PTPRQ: variants seen among roughly 807,000 people sequenced by gnomAD.
The protein encoded by PTPRQ is protein tyrosine phosphatase receptor type Q, also known as phosphatidylinositol phosphatase PTPRQ.
PTPRQ carries 199 observed loss-of-function variants against 246.0 expected under a neutral mutation model. That is an observed-to-expected ratio of 0.81 (90% confidence interval 0.72 to 0.91). The LOEUF is 0.91. PTPRQ is among the 40% of genes least tolerant of loss of function. PTPRQ has a pLI of 0.00. For missense variants in PTPRQ, 2,624 were observed against 2,528.4 expected (o/e 1.04, Z -0.81); for synonymous variants, 869 against 853.2 (o/e 1.02, Z -0.32).
chr12:80,510,507 G>A, intron 17 of PTPRQ, 64 bp downstream of exon 17: 2 of 1,357,096 alleles, frequency 1.5e-6, no homozygotes, highest in Non-Finnish European at 1.9e-6. Flanking sequence ...TAATAGGAAT[G>A]TAGCTTTTAG....
At chr12:80,529,553 G>A (rs936499828) in intron 17 of PTPRQ, among the ~76,000 whole-genome samples, 2 of 152,018 alleles carry the variant, frequency 1.3e-5, no homozygotes, top group African/African-American at 4.8e-5. Context: ...TTCCTTCATA[G>A]GCCTAGCATG....
At chr12:80,558,163 C>CTTTTCTTTTCTT (rs1308214878) in intron 25 of PTPRQ, among the ~76,000 whole-genome samples, 1 of 94,264 alleles carries the variant, frequency 1.1e-5, no homozygotes, top group Admixed American at 1.1e-4. Flanking sequence ...CTTTTCTTTT[C>CTTTTCTTTTCTT]TTTTCTTTCT....
intron 39 of PTPRQ, among the ~76,000 whole-genome samples, chr12:80,662,991 T>C (rs1900678903): frequency 1.3e-5 from 2 of 151,946 alleles, no homozygotes; most frequent in Non-Finnish European, 2.9e-5. Flanking sequence ...AAAACACCTT[T>C]GGGCAAACAT....
intron 35 of PTPRQ, 96 bp from the exon 36 acceptor site, chr12:80,648,801 T>C: frequency 8.9e-7 from 1 of 1,127,200 alleles, no homozygotes; most frequent in Non-Finnish European, 1.2e-6. Context: ...TTTTACATTA[T>C]TGATTTATTA....
At chr12:80,489,407 G>T (rs1894376482) in intron 9 of PTPRQ, among the ~76,000 whole-genome samples, 1 of 151,926 alleles carries the variant, frequency 6.6e-6, no homozygotes, top group Non-Finnish European at 1.5e-5. Flanking sequence ...ATGAGTAAAA[G>T]TATTTAACAC....
At chr12:80,468,940 A>G in intron 7 of PTPRQ, 102 bp downstream of exon 7, 1 of 1,436,806 alleles carries the variant, frequency 7.0e-7, no homozygotes, top group Non-Finnish European at 9.2e-7. Flanking sequence ...TTTTTAAAAG[A>G]CTCTAAGATT....
chr12:80,651,804 T>C (rs1428785109), intron 37 of PTPRQ, among the ~76,000 whole-genome samples: 2 of 152,084 alleles, frequency 1.3e-5, no homozygotes, highest in African/African-American at 4.8e-5. Flanking sequence ...GGACTCCTTA[T>C]TGGGTTAAAA....
Position 80,480,286 on chromosome 12 carries a change from T to A in PTPRQ, c.1187-4147T>A, listed in dbSNP as rs537278960. On this transcript the variant is annotated intron_variant, in intron 8 of 44. Transcript: ENST00000644991. Reference sequence around the variant, plus strand: ...TCCTGAATGACTACTGGGTACATAATGAAATGAAGGCAGAAATAAAGATGT... The same window carrying A: ...TCCTGAATGACTACTGGGTACATAAAGAAATGAAGGCAGAAATAAAGATGT... Among the ~76,000 whole-genome samples, 883 of 152,060 alleles carry A rather than the reference T, an allele frequency of 5.8e-3. 10 individuals are homozygous for A. Among genetic ancestry groups the A allele is most frequent in the African/African-American group, 0.021 (857 of 41,438 alleles).
intron 38 of PTPRQ, among the ~76,000 whole-genome samples, chr12:80,653,985 T>TAAAG (rs10643940): frequency 0.34 from 51,680 of 151,806 alleles, 14,106 homozygotes; most frequent in African/African-American, 0.76. Flanking sequence ...TCAGAGGAAA[T>TAAAG]AAACATTCAT....
intron 25 of PTPRQ, among the ~76,000 whole-genome samples, chr12:80,557,522 G>A (rs77490118): frequency 0.021 from 3,170 of 151,664 alleles, 52 homozygotes; most frequent in Non-Finnish European, 0.031. Context: ...TAGGCATAGA[G>A]CAAACACCAA....
At chr12:80,485,927 A>C (rs1288308902) in intron 9 of PTPRQ, among the ~76,000 whole-genome samples, 1 of 152,046 alleles carries the variant, frequency 6.6e-6, no homozygotes, top group African/African-American at 2.4e-5. Flanking sequence ...TTCTCGTCTC[A>C]TAGTAGAGAG....
At chr12:80,676,431 T>C (rs1901144954) in intron 43 of PTPRQ, among the ~76,000 whole-genome samples, 1 of 151,930 alleles carries the variant, frequency 6.6e-6, no homozygotes, top group South Asian at 2.1e-4. Context: ...TCACCAGGGG[T>C]CAGGAGTTCG....
At chr12:80,529,387 A>C (rs1895780341) in intron 17 of PTPRQ, among the ~76,000 whole-genome samples, 1 of 152,204 alleles carries the variant, frequency 6.6e-6, no homozygotes. Flanking sequence ...ATGTATCATC[A>C]GGGTAGATTA....
chr12:80,668,083 C>G (rs528387058), intron 39 of PTPRQ, among the ~76,000 whole-genome samples: 2 of 152,032 alleles, frequency 1.3e-5, no homozygotes, highest in East Asian at 3.9e-4. Context: ...ACTACTGAGA[C>G]AATTTCAATG....
intron 8 of PTPRQ, among the ~76,000 whole-genome samples, chr12:80,483,740 C>A (rs141457282): frequency 0.016 from 2,380 of 151,864 alleles, 58 homozygotes; most frequent in African/African-American, 0.055. Context: ...CCCTAGCCCC[C>A]CACCCACCGA....
chr12:80,613,737 T>C lies in PTPRQ; in HGVS notation c.5064T>C (p.Thr1688=). 1.3e-6 allele frequency: 2 copies of C among 1,545,982 alleles called. No individual in the cohort carries two copies. The highest frequency in any genetic ancestry group is 1.7e-6 in the Non-Finnish European group (2 of 1,143,160). Residue 1688 remains threonine (T), a synonymous_variant, in exon 29 of 45, where the codon ACT becomes ACC. Transcript: ENST00000644991. ...QALVYREDDP[T]AVQIHNLSII... is the part of the protein sequence containing the mutation. ...TGGTTTACCGAGAAGATGATCCTAC[T>C]GCTGTCCAGATTCACAACCTCAGTA...
chr12:80,483,616 G>C (rs1565737188), intron 8 of PTPRQ, among the ~76,000 whole-genome samples: 1 of 151,944 alleles, frequency 6.6e-6, no homozygotes, highest in African/African-American at 2.4e-5. Flanking sequence ...TTCAGTTCTG[G>C]GGTACATGTG....
chr12:80,572,232 T>A (rs912515194), intron 25 of PTPRQ, among the ~76,000 whole-genome samples: 1 of 152,124 alleles, frequency 6.6e-6, no homozygotes, highest in Non-Finnish European at 1.5e-5. Flanking sequence ...GTAAATGGAT[T>A]TTGCATATCT....
chr12:80,518,434 T>G (rs980333747), intron 17 of PTPRQ, among the ~76,000 whole-genome samples: 1 of 152,200 alleles, frequency 6.6e-6, no homozygotes, highest in Admixed American at 6.5e-5. Flanking sequence ...TTCTGTGGGT[T>G]GTCTTTTCTC....
Sources: allele counts gnomAD v4.1 joint callset (sites outside exome capture counted in the v4.1 genomes callset), GRCh38; gene constraint gnomAD v4.1.1; transcripts MANE v1.5; gene names NCBI Gene and HGNC (gene_info 2026-07-23, HGNC 2026-07-21).